LHCGR: variants seen among roughly 807,000 people sequenced by gnomAD.
LHCGR encodes the protein luteinizing hormone/choriogonadotropin receptor.
LHCGR carries 55 observed loss-of-function variants against 60.7 expected under a neutral mutation model. The observed-to-expected ratio is 0.91, with a 90% CI of 0.73 to 1.13. The LOEUF is 1.13. Ranked by LOEUF, LHCGR falls within the 50% of genes most tolerant of loss-of-function variation. LHCGR has a pLI of 0.00. For missense variants in LHCGR, 862 were observed against 836.0 expected (o/e 1.03, Z -0.38); for synonymous variants, 337 against 316.5 (o/e 1.06, Z -0.69).
At position 48,725,766 on chromosome 2, in the gene LHCGR, G is replaced by GA. The variant is rs550275548; in HGVS notation, c.309-17dup. On this transcript the variant is annotated splice_polypyrimidine_tract_variant and intron_variant, in intron 3 of 10. Transcript: ENST00000294954. ...CTGGATCAGTCTGTAAAGAGAGAGGGAAAAAAAAAGCTGCTGTTTAATAGA... is the reference window on the plus strand; with the variant it reads ...CTGGATCAGTCTGTAAAGAGAGAGGGAAAAAAAAAAGCTGCTGTTTAATAGA... The GA allele has an allele frequency of 7.1e-4, 1,109 of 1,557,740 alleles. 1 individual carries two copies. Among genetic ancestry groups the GA allele is most frequent in the Non-Finnish European group, 8.1e-4 (922 of 1,134,148 alleles).
intron 1 of LHCGR, among the ~76,000 whole-genome samples, chr2:48,734,794 A>G (rs1342853167): frequency 3.9e-5 from 6 of 152,378 alleles, no homozygotes; most frequent in Non-Finnish European, 7.3e-5. Context: ...TGCATAAAGC[A>G]AAGAAAATAA....
chr2:48,708,484 A>C (rs142094520), intron 8 of LHCGR, among the ~76,000 whole-genome samples: 256 of 152,266 alleles, frequency 1.7e-3, no homozygotes, highest in Middle Eastern at 0.01. Context: ...TGAGTTTATT[A>C]GGGTGGGCTC....
At chr2:48,725,549 G>A (rs866402077) in intron 4 of LHCGR, 127 bp downstream of exon 4, 5 of 740,888 alleles carry the variant, frequency 6.7e-6, no homozygotes, top group Middle Eastern at 3.4e-4. Context: ...TCAGAAGGCT[G>A]AAGAGGAACA....
intron 10 of LHCGR, among the ~76,000 whole-genome samples, chr2:48,689,698 G>A (rs540738535): frequency 6.6e-6 from 1 of 151,940 alleles, no homozygotes; most frequent in African/African-American, 2.4e-5. Context: ...TACTTCCTGA[G>A]TTTAGGGTCT....
chr2:48,699,407 C>T (rs1450282961), intron 8 of LHCGR, among the ~76,000 whole-genome samples: 1 of 152,142 alleles, frequency 6.6e-6, no homozygotes, highest in East Asian at 1.9e-4. Context: ...TCTTCCTCCC[C>T]ACCCTCTCTC....
intron 2 of LHCGR, among the ~76,000 whole-genome samples, 168 bp from the exon 3 acceptor site, chr2:48,729,395 C>G (rs1668888163): frequency 6.6e-6 from 1 of 152,162 alleles, no homozygotes; most frequent in Admixed American, 6.5e-5. Context: ...CTAACATCTC[C>G]CTTTAGGAGC....
At chr2:48,740,982 A>G (rs2103683719) in intron 1 of LHCGR, among the ~76,000 whole-genome samples, 1 of 152,370 alleles carries the variant, frequency 6.6e-6, no homozygotes, top group Non-Finnish European at 1.5e-5. Context: ...TAACCGATAC[A>G]GAGAAGTGCT....
chr2:48,731,360 A>G lies in LHCGR; in HGVS notation c.162-62T>C. 3 of 1,111,436 alleles carry G rather than the reference A, an allele frequency of 2.7e-6. No individual in the cohort carries two copies. In the South Asian group the frequency reaches 3.7e-5, roughly 14 times the overall value. The allele number at this position is 1,111,436 out of a possible 1,614,324, so 68.8% of individuals were successfully genotyped here. On this transcript the variant is annotated intron_variant, in intron 1 of 10. Coordinates refer to ENST00000294954, the MANE Select transcript of LHCGR (RefSeq NM_000233.4). ...TTATGATAGGGTGCCTTTTAAGTTC[A>G]TGAATAAAATGGGTATGTGTATGTG...
chr2:48,723,793 C>T (rs1668603646), intron 4 of LHCGR, 97 bp from the exon 5 acceptor site: 4 of 885,184 alleles, frequency 4.5e-6, no homozygotes, highest in African/African-American at 3.3e-5. Flanking sequence ...AGGCATTTTG[C>T]AAATACAACT....
At chr2:48,716,078 G>T (rs1042128803) in intron 6 of LHCGR, among the ~76,000 whole-genome samples, 5 of 152,008 alleles carry the variant, frequency 3.3e-5, no homozygotes. Context: ...TGGATTACTG[G>T]ATGCCACTTT....
intron 8 of LHCGR, among the ~76,000 whole-genome samples, chr2:48,705,149 C>T (rs1029681731): frequency 6.6e-6 from 1 of 151,972 alleles, no homozygotes. Flanking sequence ...CGTTATGTAC[C>T]CAGTAGTCAT....
intron 1 of LHCGR, among the ~76,000 whole-genome samples, chr2:48,748,281 T>A (rs1216830033): frequency 3.3e-5 from 5 of 152,170 alleles, no homozygotes; most frequent in African/African-American, 1.2e-4. Flanking sequence ...CAGTACGTAT[T>A]TCCTGAGTGG....
chr2:48,714,576 C>T (rs1668151610), intron 6 of LHCGR, among the ~76,000 whole-genome samples: 1 of 151,594 alleles, frequency 6.6e-6, no homozygotes, highest in Non-Finnish European at 1.5e-5. Context: ...GTAAACAGTC[C>T]TTTAAGACCA....
intron 6 of LHCGR, among the ~76,000 whole-genome samples, chr2:48,722,813 A>C (rs963360938): frequency 6.6e-6 from 1 of 152,204 alleles, no homozygotes; most frequent in Admixed American, 6.5e-5. Flanking sequence ...GGACTTATAC[A>C]CCAGCTCTCA....
intron 1 of LHCGR, among the ~76,000 whole-genome samples, chr2:48,748,196 C>T (rs552115581): frequency 9.8e-5 from 15 of 152,286 alleles, no homozygotes; most frequent in African/African-American, 3.6e-4. Flanking sequence ...GATACCTCTT[C>T]TACATCTGGA....
chr2:48,689,824 C>T (rs1680125675), intron 10 of LHCGR, among the ~76,000 whole-genome samples: 2 of 152,174 alleles, frequency 1.3e-5, no homozygotes, highest in Non-Finnish European at 2.9e-5. Context: ...AAACGATTCC[C>T]CTGCCTCAGC....
intron 8 of LHCGR, among the ~76,000 whole-genome samples, chr2:48,704,158 T>G (rs1015850011): frequency 5.3e-5 from 8 of 152,220 alleles, no homozygotes; most frequent in African/African-American, 1.7e-4. Context: ...TGTGTTTTTT[T>G]GTCATTGGTT....
intron 8 of LHCGR, among the ~76,000 whole-genome samples, chr2:48,707,275 C>T (rs1667733504): frequency 6.6e-6 from 1 of 152,198 alleles, no homozygotes; most frequent in African/African-American, 2.4e-5. Context: ...AAGCTTTGTT[C>T]CAGAGGGGCA....
intron 1 of LHCGR, among the ~76,000 whole-genome samples, chr2:48,740,870 G>C: frequency 6.6e-6 from 1 of 152,182 alleles, no homozygotes; most frequent in East Asian, 1.9e-4. Context: ...AGAGAAGAAG[G>C]CTTCAGACAA....
Sources: gnomAD v4.1 joint callset for allele counts (sites outside exome capture counted in the v4.1 genomes callset) on GRCh38, gnomAD v4.1.1 for gene constraint, MANE v1.5 for transcripts, NCBI Gene and HGNC (gene_info 2026-07-23, HGNC 2026-07-21) for gene names.